Variants in FAP observed in about 807,000 individuals in gnomAD.
FAP encodes fibroblast activation protein alpha.
Under a neutral mutation model 126.5 loss-of-function variants are expected in FAP, and 110 were observed. The observed-to-expected ratio is 0.87, with a 90% CI of 0.74 to 1.02. FAP has a LOEUF of 1.02. Among genes scored for constraint, FAP ranks in the 50% least tolerant of loss-of-function variants. The probability of loss-of-function intolerance (pLI) is 0.00; values close to 1 mark genes in which losing one functional copy is unlikely to be tolerated. For synonymous variants in FAP, 334 were observed against 297.3 expected (o/e 1.12, Z -1.27); for missense variants, 919 against 909.2 (o/e 1.01, Z -0.14).
chr2:162,198,111 C>A, intron 16 of FAP: 1 of 1,165,268 alleles, frequency 8.6e-7, no homozygotes, highest in Non-Finnish European at 1.1e-6. Flanking sequence ...TACGTATGTC[C>A]TAAACAACCA....
chr2:162,239,914 T>A (rs1233086893), intron 2 of FAP, among the ~76,000 whole-genome samples: 1 of 152,220 alleles, frequency 6.6e-6, no homozygotes, highest in East Asian at 1.9e-4. Context: ...GCAACCTCTG[T>A]AACTTTTCAC....
chr2:162,229,685 C>A (rs1453465910), intron 2 of FAP, among the ~76,000 whole-genome samples: 1 of 152,090 alleles, frequency 6.6e-6, no homozygotes, highest in African/African-American at 2.4e-5. Flanking sequence ...TCAGAGTTCT[C>A]AAAAAGATTC....
At position 162,219,872 on chromosome 2, in the gene FAP, G is replaced by A. The variant is rs142146935; in HGVS notation, c.467C>T (p.Ser156Leu). 9.9e-6 allele frequency: 16 copies of A among 1,610,308 alleles called. No individual in the cohort carries two copies. The highest frequency in any genetic ancestry group is 1.3e-5 in the African/African-American group (1 of 74,718). ...LPRPIQYLCW[S>L]PVGSKLAYVY... ...ACTTACTAATTTACTCCCAACAGGCGACCAGCATAAATACTGAATTGGACG... is the reference window on the plus strand; with the variant it reads ...ACTTACTAATTTACTCCCAACAGGCAACCAGCATAAATACTGAATTGGACG... The change falls in exon 7 of 26, where the codon TCG (serine) becomes TTG (leucine). Residue 156 changes from serine (S) to leucine (L), a missense_variant. Coordinates refer to ENST00000188790, the MANE Select transcript of FAP (RefSeq NM_004460.5).
intron 10 of FAP, among the ~76,000 whole-genome samples, chr2:162,215,164 A>T (rs1442292238): frequency 6.6e-6 from 1 of 152,218 alleles, no homozygotes. Flanking sequence ...GAAGCCTCTC[A>T]TGGGGTTCTT....
intron 17 of FAP, among the ~76,000 whole-genome samples, chr2:162,191,085 T>C (rs1688024031): frequency 6.6e-6 from 1 of 152,100 alleles, no homozygotes; most frequent in African/African-American, 2.4e-5. Context: ...GGATTCTGTT[T>C]GTGGAGCTGC....
intron 11 of FAP, among the ~76,000 whole-genome samples, chr2:162,210,333 C>T (rs1385488993): frequency 1.3e-5 from 2 of 152,146 alleles, no homozygotes; most frequent in African/African-American, 2.4e-5. Flanking sequence ...TCTTTCTTTT[C>T]TGGGTCCTAT....
intron 20 of FAP, among the ~76,000 whole-genome samples, chr2:162,185,524 C>T (rs1474294902): frequency 1.3e-5 from 2 of 152,116 alleles, no homozygotes; most frequent in East Asian, 3.9e-4. Context: ...TCCAGTCTCC[C>T]TTATGTCTGT....
intron 2 of FAP, among the ~76,000 whole-genome samples, chr2:162,230,564 G>A (rs146229029): frequency 4.0e-5 from 6 of 149,890 alleles, no homozygotes; most frequent in African/African-American, 7.4e-5. Context: ...TTTTGTGTTC[G>A]CTTGTTTTGA....
intron 21 of FAP, among the ~76,000 whole-genome samples, chr2:162,181,390 A>T (rs1426408911): frequency 2.0e-5 from 3 of 152,192 alleles, no homozygotes; most frequent in Non-Finnish European, 4.4e-5. Context: ...AAAGACTATT[A>T]TCTGTATACT....
intron 9 of FAP, 123 bp downstream of exon 9, chr2:162,217,863 T>G: frequency 1.5e-6 from 1 of 658,860 alleles, no homozygotes. Flanking sequence ...GTACAATGTT[T>G]GCCTTACAAT....
intron 21 of FAP, chr2:162,176,498 C>T (rs1194076533): frequency 6.6e-6 from 1 of 151,994 alleles, no homozygotes; most frequent in Non-Finnish European, 1.5e-5. Flanking sequence ...TTTGAAAATC[C>T]TTATTGCAAG....
intron 16 of FAP, chr2:162,194,967 C>A: frequency 1.8e-6 from 1 of 560,214 alleles, no homozygotes; most frequent in Non-Finnish European, 3.2e-6. Context: ...GTGAAAGAAG[C>A]CTTGCCTGTG....
intron 2 of FAP, among the ~76,000 whole-genome samples, chr2:162,237,368 T>C (rs930900761): frequency 1.3e-5 from 2 of 152,056 alleles, no homozygotes; most frequent in African/African-American, 4.8e-5. Context: ...ATCCCTCCCC[T>C]AGTCCCCCGA....
chr2:162,198,828 C>T lies in FAP; in HGVS notation c.1331G>A (p.Arg444Lys). Residue 444 changes from arginine to lysine, a missense_variant, in exon 16 of 26, where the codon AGG becomes AAG. Transcript: ENST00000188790. ...PSKKCVTCHL[R>K]KERCQYYTAS... Reference sequence around the variant, plus strand: ...TGTGTAATATTGGCACCTTTCTTTCCTTAGATGGCAAGTAACACACTTCTT... The same window carrying T: ...TGTGTAATATTGGCACCTTTCTTTCTTTAGATGGCAAGTAACACACTTCTT... 6.2e-7 allele frequency: 1 copy of T among 1,613,870 alleles called. No homozygotes were observed. Among genetic ancestry groups the T allele is most frequent in the Non-Finnish European group, 8.5e-7 (1 of 1,179,828 alleles).
At chr2:162,217,872 A>G (rs751554256) in intron 9 of FAP, 114 bp downstream of exon 9, 5 of 726,222 alleles carry the variant, frequency 6.9e-6, no homozygotes, top group Non-Finnish European at 1.1e-5. Flanking sequence ...TTGCCTTACA[A>G]TGCTCAAGGA....
chr2:162,210,842 G>GAGCAAGCTCA (rs1455997163), intron 11 of FAP, among the ~76,000 whole-genome samples: 6 of 152,188 alleles, frequency 3.9e-5, no homozygotes, highest in Non-Finnish European at 8.8e-5. Context: ...GCTCATGGCA[G>GAGCAAGCTCA]TGAGAATAGA....
intron 25 of FAP, chr2:162,172,547 T>C: frequency 2.7e-6 from 1 of 375,282 alleles, no homozygotes; most frequent in Non-Finnish European, 4.9e-6. Context: ...AACTACTGGA[T>C]GTTTGAACTA....
chr2:162,198,974 G>T, intron 15 of FAP, 93 bp from the exon 16 acceptor site: 1 of 1,054,908 alleles, frequency 9.5e-7, no homozygotes, highest in Non-Finnish European at 1.4e-6. Context: ...TTTACATATT[G>T]ACATCAAACC....
At chr2:162,209,922 A>C in intron 12 of FAP, 30 bp downstream of exon 12, 1 of 1,601,696 alleles carries the variant, frequency 6.2e-7, no homozygotes, top group Non-Finnish European at 8.5e-7. Context: ...AGTTTCATTA[A>C]AACATAAGAA....
Sources: gnomAD v4.1 joint callset for allele counts (sites outside exome capture counted in the v4.1 genomes callset) on GRCh38, gnomAD v4.1.1 for gene constraint, MANE v1.5 for transcripts, NCBI Gene and HGNC (gene_info 2026-07-23, HGNC 2026-07-21) for gene names.